The following PBX1 variants were observed in gnomAD, a reference collection of about 807,000 sequenced individuals.
PBX1 encodes pre-B-cell leukemia transcription factor 1.
Under a neutral mutation model 53.4 loss-of-function variants are expected in PBX1, and 6 were observed. The ratio of observed to expected loss-of-function variants is 0.11; its 90% CI spans 0.06 to 0.22. PBX1 has a LOEUF of 0.22. PBX1 is among the 10% of genes least tolerant of loss of function. The pLI is 1.00. For synonymous variants in PBX1, 204 were observed against 212.3 expected (o/e 0.96, Z 0.34); for missense variants, 251 against 551.4 (o/e 0.46, Z 5.46).
chr1:164,648,878 A>C (rs1659620060), intron 2 of PBX1, among the ~76,000 whole-genome samples: 1 of 152,232 alleles, frequency 6.6e-6, no homozygotes, highest in Non-Finnish European at 1.5e-5. Context: ...GCTTGCAATT[A>C]GAACTGGGCT....
At chr1:164,590,570 G>A (rs1655304004) in intron 2 of PBX1, 1 of 434,220 alleles carries the variant, frequency 2.3e-6, no homozygotes, top group Non-Finnish European at 4.7e-6. Context: ...ATTGTGACCA[G>A]GAGATCTATT....
At chr1:164,845,599 A>G (rs1375905989) in intron 8 of PBX1, among the ~76,000 whole-genome samples, 1 of 152,234 alleles carries the variant, frequency 6.6e-6, no homozygotes, top group Non-Finnish European at 1.5e-5. Flanking sequence ...ATCATGAATT[A>G]ACCACTATAG....
chr1:164,788,532 C>T (rs1441095287), intron 2 of PBX1, among the ~76,000 whole-genome samples: 1 of 152,032 alleles, frequency 6.6e-6, no homozygotes, highest in African/African-American at 2.4e-5. Context: ...ATCCCTGTCC[C>T]CTCCAAGCAT....
At chr1:164,636,607 C>G (rs1658797585) in intron 2 of PBX1, among the ~76,000 whole-genome samples, 1 of 152,092 alleles carries the variant, frequency 6.6e-6, no homozygotes, top group African/African-American at 2.4e-5. Context: ...CTTTGGACAC[C>G]TAGTCACCTT....
chr1:164,648,664 T>G (rs1659607708), intron 2 of PBX1, among the ~76,000 whole-genome samples: 1 of 152,134 alleles, frequency 6.6e-6, no homozygotes, highest in African/African-American at 2.4e-5. Context: ...CTACTATACC[T>G]AATGCCTCTT....
chr1:164,617,855 C>T (rs2800783), intron 2 of PBX1, among the ~76,000 whole-genome samples: 65,308 of 148,256 alleles, frequency 0.44, 14,364 homozygotes, highest in East Asian at 0.53. Flanking sequence ...TTTCAGCAGG[C>T]TCTATCTTTA....
At chr1:164,830,739 A>C (rs2102387909) in intron 8 of PBX1, among the ~76,000 whole-genome samples, 1 of 152,256 alleles carries the variant, frequency 6.6e-6, no homozygotes, top group South Asian at 2.1e-4. Flanking sequence ...AGGTGACCTA[A>C]GCCTTTGCTG....
rs1388049892 is a variant in PBX1, at chr1:164,799,854, G to T, written c.666G>T (p.Ala222=). The T allele has an allele frequency of 6.2e-7, 1 of 1,613,656 alleles. No homozygotes were observed. The highest frequency in any genetic ancestry group is 2.2e-5 in the East Asian group (1 of 44,852). The change falls in exon 4 of 9, where the codon GCG becomes GCT. Residue 222 remains alanine (A), a synonymous_variant. Coordinates refer to ENST00000420696, the MANE Select transcript of PBX1 (RefSeq NM_002585.4). Reference sequence around the variant, plus strand: ...AGCTCAAGCAGAGCACGTGCGAGGCGGTGATGATCCTGCGTTCCCGATTTC... The same window carrying T: ...AGCTCAAGCAGAGCACGTGCGAGGCTGTGATGATCCTGCGTTCCCGATTTC... ...QMQLKQSTCE[A]VMILRSRFLD... is the part of the protein sequence containing the mutation.
chr1:164,711,555 G>C (rs1025897322), intron 2 of PBX1, among the ~76,000 whole-genome samples: 1 of 152,318 alleles, frequency 6.6e-6, no homozygotes. Flanking sequence ...GAGCCACTGC[G>C]CCCGGCTAGT....
Position 164,875,988 on chromosome 1 carries a change from G to GTATGTATATATATATATATATA in PBX1, n.258-23197_258-23196insGTATATATATATATATATATAT, listed in dbSNP as rs1553256088. Among the ~76,000 whole-genome samples the GTATGTATATATATATATATATA allele has an allele frequency of 1.5e-3, 87 of 56,880 alleles. 1 individual carries two copies. Among genetic ancestry groups the GTATGTATATATATATATATATA allele is most frequent in the Non-Finnish European group, 2.7e-3 (59 of 22,096 alleles). 37.3% of individuals were successfully genotyped at this position (56,880 alleles called of 152,430 possible). On this transcript the variant is annotated intron_variant and non_coding_transcript_variant, in intron 2 of 2. Coordinates refer to the PBX1 transcript ENST00000558796. ...ATACCTATATATATTTGGTGTATGT[G>GTATGTATATATATATATATATA]TATATATATATATATATACACACAT...
chr1:164,619,585 G>T (rs1486537967), intron 2 of PBX1, among the ~76,000 whole-genome samples: 2 of 151,984 alleles, frequency 1.3e-5, no homozygotes, highest in East Asian at 3.9e-4. Flanking sequence ...CTAAGTACTC[G>T]CCTTGACCAC....
chr1:164,707,882 CT>C (rs2102065415), intron 2 of PBX1, among the ~76,000 whole-genome samples: 1 of 152,332 alleles, frequency 6.6e-6, no homozygotes, highest in African/African-American at 2.4e-5. Context: ...TTCGATTGCG[CT>C]ATCTTGATTA....
intron 2 of PBX1, among the ~76,000 whole-genome samples, chr1:164,730,392 G>C (rs1232709853): frequency 2.6e-5 from 4 of 152,184 alleles, no homozygotes; most frequent in Non-Finnish European, 5.9e-5. Flanking sequence ...TCAGTAGTAG[G>C]AGATATGGGT....
At chr1:164,843,878 C>T (rs1452493855) in intron 8 of PBX1, among the ~76,000 whole-genome samples, 2 of 152,090 alleles carry the variant, frequency 1.3e-5, no homozygotes, top group African/African-American at 4.8e-5. Context: ...TAATGAAACA[C>T]CACAGAACTA....
intron 2 of PBX1, among the ~76,000 whole-genome samples, chr1:164,765,831 T>A (rs1196518577): frequency 6.6e-6 from 1 of 152,164 alleles, no homozygotes; most frequent in Non-Finnish European, 1.5e-5. Context: ...ATACTCTCAT[T>A]CTGTCAGGGT....
At chr1:164,666,072 G>A (rs1347624372) in intron 2 of PBX1, among the ~76,000 whole-genome samples, 1 of 152,192 alleles carries the variant, frequency 6.6e-6, no homozygotes, top group African/African-American at 2.4e-5. Flanking sequence ...GGAATGGTAT[G>A]CACGACAAGA....
chr1:164,773,275 A>T (rs959885225), intron 2 of PBX1, among the ~76,000 whole-genome samples: 3 of 151,870 alleles, frequency 2.0e-5, no homozygotes, highest in African/African-American at 7.3e-5. Context: ...ACACACACAG[A>T]GTTTTTCTTG....
chr1:164,658,555 A>T (rs780096914), intron 2 of PBX1, among the ~76,000 whole-genome samples: 1 of 152,174 alleles, frequency 6.6e-6, no homozygotes, highest in Non-Finnish European at 1.5e-5. Flanking sequence ...GATATCCCCG[A>T]GTGTGTTTGA....
intron 2 of PBX1, among the ~76,000 whole-genome samples, chr1:164,859,361 T>G (rs901677399): frequency 6.6e-6 from 1 of 152,162 alleles, no homozygotes; most frequent in African/African-American, 2.4e-5. Flanking sequence ...CCCTCTGCAT[T>G]TGGTTTCAGA....
Sources: allele counts gnomAD v4.1 joint callset (sites outside exome capture counted in the v4.1 genomes callset), GRCh38; gene constraint gnomAD v4.1.1; transcripts MANE v1.5; gene names NCBI Gene and HGNC (gene_info 2026-07-23, HGNC 2026-07-21).